HDAC4: variants seen among roughly 807,000 people sequenced by gnomAD.
HDAC4 encodes the protein histone deacetylase A.
A neutral mutation model predicts 135.1 loss-of-function variants in HDAC4; 16 were observed. The ratio of observed to expected loss-of-function variants is 0.12; its 90% CI spans 0.08 to 0.18. The LOEUF is 0.18. Among genes scored for constraint, HDAC4 ranks in the 10% least tolerant of loss-of-function variants. HDAC4 has a pLI of 1.00. For missense variants in HDAC4, 1,143 were observed against 1,511.8 expected (o/e 0.76, Z 4.05); for synonymous variants, 685 against 653.4 (o/e 1.05, Z -0.74).
At chr2:239,127,910 C>A (rs760316197) in intron 11 of HDAC4, among the ~76,000 whole-genome samples, 1 of 152,200 alleles carries the variant, frequency 6.6e-6, no homozygotes, top group Non-Finnish European at 1.5e-5. Context: ...GTCCAAGCCT[C>A]CCAGTGAGAG....
chr2:239,058,929 G>GGAAT (rs2032270146), intron 24 of HDAC4, among the ~76,000 whole-genome samples: 1 of 152,136 alleles, frequency 6.6e-6, no homozygotes, highest in African/African-American at 2.4e-5. Context: ...AAACACATGT[G>GGAAT]GAATGTCTCT....
intron 11 of HDAC4, 90 bp from the exon 12 acceptor site, chr2:239,126,784 G>A (rs1398664716): frequency 1.4e-6 from 2 of 1,397,598 alleles, no homozygotes; most frequent in African/African-American, 1.4e-5. Flanking sequence ...GGAGACAACT[G>A]CGCCCTGTGC....
intron 2 of HDAC4, among the ~76,000 whole-genome samples, chr2:239,328,969 T>C (rs1040897825): frequency 6.6e-6 from 1 of 152,246 alleles, no homozygotes; most frequent in Non-Finnish European, 1.5e-5. Context: ...AAGAAACCAC[T>C]TGGCTGCTGC....
At chr2:239,070,927 GTTTTTTTT>G (rs10572423) in intron 22 of HDAC4, among the ~76,000 whole-genome samples, 1 of 144,000 alleles carries the variant, frequency 6.9e-6, no homozygotes, top group African/African-American at 2.6e-5. Flanking sequence ...AGTCTCTGTT[GTTTTTTTT>G]TTTTTTTTTT....
chr2:239,341,573 C>T (rs910686586), intron 2 of HDAC4, among the ~76,000 whole-genome samples: 1 of 152,286 alleles, frequency 6.6e-6, no homozygotes, highest in South Asian at 2.1e-4. Context: ...TGAGTGTGCT[C>T]AGAACAGACT....
At chr2:239,298,402 G>T in intron 2 of HDAC4, 1 of 1,176,378 alleles carries the variant, frequency 8.5e-7, no homozygotes. Flanking sequence ...GCACCTCAGA[G>T]GGAAACAGGG....
At chr2:239,121,412 C>T (rs2039678726) in intron 12 of HDAC4, among the ~76,000 whole-genome samples, 1 of 152,226 alleles carries the variant, frequency 6.6e-6, no homozygotes, top group Non-Finnish European at 1.5e-5. Context: ...CCCAAGGCCA[C>T]TGCAACCTGC....
intron 3 of HDAC4, among the ~76,000 whole-genome samples, chr2:239,235,390 C>T (rs984770047): frequency 3.9e-5 from 6 of 152,320 alleles, no homozygotes; most frequent in East Asian, 1.9e-4. Flanking sequence ...AACTTCCTTT[C>T]GGGGTGATGA....
Position 239,389,869 on chromosome 2 carries a change from C to T in HDAC4, c.-220+11109G>A, listed in dbSNP as rs77526839. ...AGCACCCAGGCTGAGCCACTCGGTG[C>T]GCTCTGCACCCCGGTCACAGTGACT... On this transcript the variant is annotated intron_variant, in intron 1 of 26. Transcript: ENST00000543185. Among the ~76,000 whole-genome samples the T allele has an allele frequency of 4.1e-3, 623 of 152,310 alleles. 3 individuals carry two copies. The highest frequency in any genetic ancestry group is 0.013 in the African/African-American group (556 of 41,556).
At chr2:239,055,958 A>G (rs916231427) in intron 24 of HDAC4, among the ~76,000 whole-genome samples, 3 of 152,180 alleles carry the variant, frequency 2.0e-5, no homozygotes, top group Non-Finnish European at 4.4e-5. Flanking sequence ...ACGCACGACG[A>G]CGTGTCAAAC....
chr2:239,260,629 T>C (rs13415840), intron 2 of HDAC4, among the ~76,000 whole-genome samples: 8,894 of 152,266 alleles, frequency 0.058, 728 homozygotes, highest in African/African-American at 0.18. Context: ...CGCTTCTCTG[T>C]GGCCCTGCTG....
chr2:239,373,299 C>G (rs990800135), intron 1 of HDAC4, among the ~76,000 whole-genome samples: 2 of 152,176 alleles, frequency 1.3e-5, no homozygotes, highest in Non-Finnish European at 2.9e-5. Context: ...GTAAAAAGCA[C>G]GATCTCTGCT....
intron 2 of HDAC4, among the ~76,000 whole-genome samples, chr2:239,256,771 T>C (rs956919428): frequency 6.6e-6 from 1 of 152,250 alleles, no homozygotes; most frequent in Non-Finnish European, 1.5e-5. Context: ...AACACTGACT[T>C]GTCACCCTTC....
chr2:239,128,927 A>G (rs2040382884), intron 11 of HDAC4, among the ~76,000 whole-genome samples: 1 of 152,212 alleles, frequency 6.6e-6, no homozygotes, highest in Non-Finnish European at 1.5e-5. Context: ...CAGCGCTCCC[A>G]GGCTCCTTCT....
At chr2:239,060,464 G>A (rs1236361953) in intron 24 of HDAC4, among the ~76,000 whole-genome samples, 2 of 152,220 alleles carry the variant, frequency 1.3e-5, no homozygotes, top group Non-Finnish European at 2.9e-5. Context: ...TCACAAGGAG[G>A]GAAAGCCCAG....
chr2:239,055,323 C>T (rs929140659), intron 24 of HDAC4: 9 of 194,910 alleles, frequency 4.6e-5, no homozygotes, highest in Admixed American at 3.2e-4. Context: ...TCCTTCACAC[C>T]GAGTTTTTCC....
At chr2:239,320,926 T>C (rs1017851038) in intron 2 of HDAC4, among the ~76,000 whole-genome samples, 1 of 152,238 alleles carries the variant, frequency 6.6e-6, no homozygotes, top group East Asian at 1.9e-4. Context: ...AATTATTTTA[T>C]CTAATCTTTT....
chr2:239,327,470 T>A (rs887051701), intron 2 of HDAC4, among the ~76,000 whole-genome samples: 1 of 152,246 alleles, frequency 6.6e-6, no homozygotes, highest in South Asian at 2.1e-4. Flanking sequence ...AATACGGAAG[T>A]CTTTTCTCAA....
At chr2:239,120,969 G>A (rs1056113778) in intron 12 of HDAC4, among the ~76,000 whole-genome samples, 8 of 151,514 alleles carry the variant, frequency 5.3e-5, no homozygotes, top group Non-Finnish European at 1.0e-4. Context: ...GAAGCTCCAA[G>A]ACTTTTCTTC....
Sources: gnomAD v4.1 joint callset for allele counts (sites outside exome capture counted in the v4.1 genomes callset) on GRCh38, gnomAD v4.1.1 for gene constraint, MANE v1.5 for transcripts, NCBI Gene and HGNC (gene_info 2026-07-23, HGNC 2026-07-21) for gene names.